Variants in MARCHF3 observed in about 807,000 individuals in gnomAD.
MARCHF3 encodes membrane associated ring-CH-type finger 3.
A neutral mutation model predicts 24.2 loss-of-function variants in MARCHF3; 13 were observed. That is an observed-to-expected ratio of 0.54 (90% CI 0.35 to 0.85). The LOEUF (loss-of-function observed/expected upper bound fraction) is 0.85. Ranked by LOEUF, MARCHF3 falls within the 40% of genes least tolerant of loss-of-function variation. The pLI, the probability that MARCHF3 is intolerant of heterozygous loss-of-function variation, is 0.01. For missense variants in MARCHF3, 276 were observed against 325.0 expected (o/e 0.85, Z 1.16); for synonymous variants, 144 against 137.3 (o/e 1.05, Z -0.34).
chr5:126,874,041 A>G (rs988559825), intron 4 of MARCHF3, among the ~76,000 whole-genome samples: 1 of 152,362 alleles, frequency 6.6e-6, no homozygotes, highest in Admixed American at 6.5e-5. Context: ...TTTCACTTAG[A>G]TATTTCTTAA....
intron 3 of MARCHF3, chr5:126,898,731 C>T (rs566292122): frequency 3.9e-5 from 16 of 413,538 alleles, no homozygotes; most frequent in South Asian, 1.0e-4. Flanking sequence ...GCTGCTCCTA[C>T]GTGCCAGCAT....
chr5:126,944,822 G>A (rs1041589138), intron 1 of MARCHF3, among the ~76,000 whole-genome samples: 1 of 152,124 alleles, frequency 6.6e-6, no homozygotes, highest in African/African-American at 2.4e-5. Flanking sequence ...CTGCTGACAT[G>A]ATCAAATGCA....
In MARCHF3 at chr5:126,915,125, A is replaced by G. The variant is rs1445122642; in HGVS notation, c.198T>C (p.Asn66=). 1 of 1,613,580 alleles carries G rather than the reference A, an allele frequency of 6.2e-7. No homozygotes were observed. Among genetic ancestry groups the G allele is most frequent in the Non-Finnish European group, 8.5e-7 (1 of 1,180,016 alleles). ...VRTLATQSPF[N]DRPMCRICHE... ...GGCAGATCCTGCACATCGGCCGGTC[A>G]TTGAAGGGGCTGCAAGAGAAGGAGG... The change falls in exon 3 of 5, where the codon AAT becomes AAC. Residue 66 remains asparagine (N), a synonymous_variant. Transcript: ENST00000308660.
In MARCHF3 at chr5:126,870,279, G is replaced by A. The variant is rs75218351; in HGVS notation, c.*354C>T. ...ATCTAAGTTTAATATATATATATAT[G>A]TGTGTGTGTTTGAAATAGTAATAAA... On this transcript the variant is annotated 3_prime_UTR_variant, in exon 5 of 5. Coordinates refer to ENST00000308660, the MANE Select transcript of MARCHF3 (RefSeq NM_178450.5). 28 of 172,016 alleles carry A rather than the reference G, an allele frequency of 1.6e-4. No homozygotes were observed. In the East Asian group the frequency reaches 2.9e-3, roughly 18 times the overall value. The allele number at this position is 172,016 out of a possible 1,614,324, so 10.7% of individuals were successfully genotyped here.
At chr5:126,913,867 G>C (rs1015268425) in intron 3 of MARCHF3, among the ~76,000 whole-genome samples, 1 of 151,850 alleles carries the variant, frequency 6.6e-6, no homozygotes, top group African/African-American at 2.4e-5. Context: ...GTTAGCTGCT[G>C]AAATAAGGAG....
chr5:126,913,221 C>T (rs1157716827), intron 3 of MARCHF3, among the ~76,000 whole-genome samples: 2 of 152,312 alleles, frequency 1.3e-5, no homozygotes, highest in South Asian at 2.1e-4. Context: ...TTATATATTA[C>T]GTGCACATAC....
chr5:126,920,034 T>A (rs1213656187), intron 1 of MARCHF3, among the ~76,000 whole-genome samples: 2 of 152,226 alleles, frequency 1.3e-5, no homozygotes, highest in Non-Finnish European at 2.9e-5. Flanking sequence ...ATAGGATTTT[T>A]TGCTTTTTTT....
At chr5:126,969,711 G>C (rs2126828092) in intron 1 of MARCHF3, among the ~76,000 whole-genome samples, 1 of 152,310 alleles carries the variant, frequency 6.6e-6, no homozygotes, top group African/African-American at 2.4e-5. Flanking sequence ...TTAAACTTGA[G>C]CGAGCATTAG....
chr5:126,929,537 GA>G (rs1278335273), intron 1 of MARCHF3, among the ~76,000 whole-genome samples: 1 of 152,118 alleles, frequency 6.6e-6, no homozygotes, highest in African/African-American at 2.4e-5. Flanking sequence ...AATTCTTTTG[GA>G]ACAAAGAATC....
intron 3 of MARCHF3, among the ~76,000 whole-genome samples, chr5:126,911,961 C>A (rs1288279574): frequency 2.6e-5 from 4 of 152,170 alleles, no homozygotes; most frequent in Non-Finnish European, 4.4e-5. Flanking sequence ...CTTTGCTCAC[C>A]CTCTTCCACA....
intron 1 of MARCHF3, among the ~76,000 whole-genome samples, chr5:126,996,961 C>A (rs2126847557): frequency 1.3e-5 from 2 of 152,190 alleles, no homozygotes; most frequent in Middle Eastern, 3.4e-3. Flanking sequence ...TTTGTTATAT[C>A]TGGGGAGTGA....
At chr5:127,008,970 G>A (rs1007837062) in intron 1 of MARCHF3, among the ~76,000 whole-genome samples, 1 of 151,336 alleles carries the variant, frequency 6.6e-6, no homozygotes, top group Non-Finnish European at 1.5e-5. Flanking sequence ...TGAGAGAGGA[G>A]GTGTTATTTT....
intron 1 of MARCHF3, among the ~76,000 whole-genome samples, chr5:126,994,281 T>C (rs1751872854): frequency 6.6e-6 from 1 of 152,178 alleles, no homozygotes; most frequent in South Asian, 2.1e-4. Flanking sequence ...ATTCCATTTA[T>C]ATGACATCTT....
intron 1 of MARCHF3, among the ~76,000 whole-genome samples, chr5:126,980,298 C>G (rs542575041): frequency 1.2e-3 from 181 of 151,892 alleles, no homozygotes; most frequent in African/African-American, 4.3e-3. Context: ...GTGACTAGAT[C>G]TTTAGAATTT....
At chr5:126,975,432 G>C (rs1365160579) in intron 1 of MARCHF3, among the ~76,000 whole-genome samples, 1 of 152,156 alleles carries the variant, frequency 6.6e-6, no homozygotes, top group Non-Finnish European at 1.5e-5. Flanking sequence ...GATCAAATCA[G>C]GGTAATTAAC....
At chr5:127,012,922 T>G (rs1402178442) in intron 1 of MARCHF3, among the ~76,000 whole-genome samples, 2 of 152,220 alleles carry the variant, frequency 1.3e-5, no homozygotes. Context: ...TTCAACACTC[T>G]CATAAGAATA....
chr5:126,977,482 A>G (rs962882273), intron 1 of MARCHF3, among the ~76,000 whole-genome samples: 6 of 152,234 alleles, frequency 3.9e-5, no homozygotes, highest in Non-Finnish European at 7.3e-5. Flanking sequence ...TCCTAAATCA[A>G]GGAATCGGCA....
chr5:126,960,045 A>C (rs1206508418), intron 1 of MARCHF3, among the ~76,000 whole-genome samples: 1 of 152,176 alleles, frequency 6.6e-6, no homozygotes, highest in Non-Finnish European at 1.5e-5. Flanking sequence ...TATGAAGTCA[A>C]GCTGTGTGAT....
chr5:127,029,620 C>T (rs1163625416), intron 1 of MARCHF3, among the ~76,000 whole-genome samples: 1 of 152,160 alleles, frequency 6.6e-6, no homozygotes, highest in Non-Finnish European at 1.5e-5. Flanking sequence ...GGTGCTCAAA[C>T]AAACACCAAC....
Sources: allele counts gnomAD v4.1 joint callset (sites outside exome capture counted in the v4.1 genomes callset), GRCh38; gene constraint gnomAD v4.1.1; transcripts MANE v1.5; gene names NCBI Gene and HGNC (gene_info 2026-07-23, HGNC 2026-07-21).